The following CADM2 variants were observed in gnomAD, a reference collection of about 807,000 sequenced individuals.
CADM2 encodes the protein cell adhesion molecule 2, also known as immunoglobulin superfamily member 4D.
CADM2 carries 12 observed loss-of-function variants against 49.8 expected under a neutral mutation model. The observed-to-expected ratio is 0.24, with a 90% CI of 0.15 to 0.39. The LOEUF (loss-of-function observed/expected upper bound fraction) is 0.39. CADM2 is among the 10% of genes least tolerant of loss of function. The probability of loss-of-function intolerance (pLI) is 1.00; values close to 1 mark genes in which losing one functional copy is unlikely to be tolerated. For missense variants in CADM2, 378 were observed against 492.3 expected (o/e 0.77, Z 2.20); for synonymous variants, 214 against 175.4 (o/e 1.22, Z -1.74).
intron 1 of CADM2, among the ~76,000 whole-genome samples, chr3:85,198,905 C>A (rs1215291664): frequency 1.3e-5 from 2 of 151,806 alleles, no homozygotes; most frequent in Non-Finnish European, 2.9e-5. Context: ...TATTCAGTCT[C>A]TTATTGTTCT....
At chr3:85,053,015 C>T (rs1022450362) in intron 1 of CADM2, among the ~76,000 whole-genome samples, 1 of 151,856 alleles carries the variant, frequency 6.6e-6, no homozygotes, top group Non-Finnish European at 1.5e-5. Flanking sequence ...CAGTACTGTA[C>T]TAAAGAAACA....
chr3:85,010,084 C>T (rs2033918466), intron 1 of CADM2, among the ~76,000 whole-genome samples: 1 of 151,570 alleles, frequency 6.6e-6, no homozygotes, highest in Middle Eastern at 3.4e-3. Context: ...TAGAGAATAC[C>T]CCAATAAAGA....
intron 1 of CADM2, among the ~76,000 whole-genome samples, chr3:85,487,636 C>A (rs1413618182): frequency 8.0e-6 from 1 of 124,314 alleles, no homozygotes; most frequent in East Asian, 3.0e-4. Flanking sequence ...AGGAGGAGGA[C>A]GAAGAGGAGG....
At chr3:85,869,835 G>C (rs1247926994) in intron 3 of CADM2, among the ~76,000 whole-genome samples, 2 of 151,940 alleles carry the variant, frequency 1.3e-5, no homozygotes, top group African/African-American at 4.8e-5. Flanking sequence ...CTAATTTTTT[G>C]TATTTTTAGT....
intron 1 of CADM2, among the ~76,000 whole-genome samples, chr3:85,493,346 CTG>C (rs2039755431): frequency 6.6e-6 from 1 of 152,052 alleles, no homozygotes; most frequent in Non-Finnish European, 1.5e-5. Flanking sequence ...TCTGACATAA[CTG>C]TTAGCTGTAA....
intron 1 of CADM2, among the ~76,000 whole-genome samples, chr3:85,126,021 A>G (rs1014506533): frequency 2.0e-5 from 3 of 152,188 alleles, no homozygotes; most frequent in Non-Finnish European, 4.4e-5. Context: ...AGTAGTTTAT[A>G]CCAGACTATG....
intron 1 of CADM2, among the ~76,000 whole-genome samples, chr3:85,455,179 A>G (rs1313111051): frequency 6.6e-6 from 1 of 152,238 alleles, no homozygotes; most frequent in Non-Finnish European, 1.5e-5. Context: ...GTTTAGCTCA[A>G]AAAAGAAAAA....
chr3:85,177,818 T>C (rs917346851), intron 1 of CADM2, among the ~76,000 whole-genome samples: 1 of 151,854 alleles, frequency 6.6e-6, no homozygotes, highest in African/African-American at 2.4e-5. Flanking sequence ...CTAAGAGAAA[T>C]AGAAAAGCCG....
At chr3:85,839,485 T>G (rs2108258929) in intron 3 of CADM2, among the ~76,000 whole-genome samples, 1 of 151,956 alleles carries the variant, frequency 6.6e-6, no homozygotes, top group Middle Eastern at 3.4e-3. Context: ...CTTTGCCATT[T>G]TTTTTGGTTT....
chr3:85,658,576 G>GTATATATATATATATATA (rs397990421), intron 1 of CADM2, among the ~76,000 whole-genome samples: 1 of 68,754 alleles, frequency 1.5e-5, no homozygotes, highest in African/African-American at 5.6e-5. Flanking sequence ...GGATATATGT[G>GTATATATATATATATATA]TATATATATA....
chr3:85,083,179 CTAAA>C (rs1279337547), intron 1 of CADM2, among the ~76,000 whole-genome samples: 1 of 152,052 alleles, frequency 6.6e-6, no homozygotes, highest in Non-Finnish European at 1.5e-5. Flanking sequence ...TGTCTGTCCT[CTAAA>C]TAAGAAAGCT....
chr3:85,401,140 G>A (rs1371668886), intron 1 of CADM2, among the ~76,000 whole-genome samples: 2 of 152,160 alleles, frequency 1.3e-5, no homozygotes, highest in East Asian at 1.9e-4. Flanking sequence ...TCACCACTAA[G>A]CTGGACCAGA....
chr3:85,430,082 G>C (rs754824957), intron 1 of CADM2, among the ~76,000 whole-genome samples: 1 of 152,112 alleles, frequency 6.6e-6, no homozygotes, highest in Non-Finnish European at 1.5e-5. Context: ...GAGTCAGCTA[G>C]GTAGGAGTGT....
intron 1 of CADM2, among the ~76,000 whole-genome samples, chr3:85,273,068 T>C (rs1234343322): frequency 6.6e-6 from 1 of 150,564 alleles, no homozygotes; most frequent in Admixed American, 6.7e-5. Context: ...TTGAGGAACG[T>C]AAAGGAGTGA....
intron 6 of CADM2, among the ~76,000 whole-genome samples, chr3:85,932,323 C>G (rs1011495630): frequency 6.6e-6 from 1 of 152,066 alleles, no homozygotes; most frequent in Non-Finnish European, 1.5e-5. Flanking sequence ...ATTTTGAATA[C>G]GTCAAATGTG....
intron 1 of CADM2, among the ~76,000 whole-genome samples, chr3:85,447,529 A>C (rs2107558632): frequency 6.6e-6 from 1 of 152,172 alleles, no homozygotes; most frequent in East Asian, 1.9e-4. Flanking sequence ...AAGAATGATA[A>C]AGCAATGGTT....
At chr3:85,251,363 C>T (rs1185930087) in intron 1 of CADM2, among the ~76,000 whole-genome samples, 1 of 151,788 alleles carries the variant, frequency 6.6e-6, no homozygotes, top group Non-Finnish European at 1.5e-5. Flanking sequence ...TAGGAAATTA[C>T]AGAGACTAAA....
At chr3:85,994,451 G>C (rs191114920) in intron 8 of CADM2, 1 of 152,212 alleles carries the variant, frequency 6.6e-6, no homozygotes, top group Non-Finnish European at 1.5e-5. Flanking sequence ...AGGCTGTTTT[G>C]CTCCCTTATA....
intron 1 of CADM2, among the ~76,000 whole-genome samples, chr3:85,281,990 C>A (rs2043511339): frequency 6.6e-6 from 1 of 151,998 alleles, no homozygotes; most frequent in African/African-American, 2.4e-5. Flanking sequence ...AAAGAAGTTT[C>A]TTAAAATAAA....
Sources: gnomAD v4.1 joint callset for allele counts (sites outside exome capture counted in the v4.1 genomes callset) on GRCh38, gnomAD v4.1.1 for gene constraint, MANE v1.5 for transcripts, NCBI Gene and HGNC (gene_info 2026-07-23, HGNC 2026-07-21) for gene names.